COX10: variants seen among roughly 807,000 people sequenced by gnomAD.
COX10 encodes the protein protoheme IX farnesyltransferase, mitochondrial.
Under a neutral mutation model 37.3 loss-of-function variants are expected in COX10, and 27 were observed. That is an observed-to-expected ratio of 0.72 (90% confidence interval 0.53 to 1.00). The LOEUF is 1.00. COX10 is among the 50% of genes least tolerant of loss of function. The pLI is 0.00. For missense variants in COX10, 475 were observed against 563.2 expected, an observed-to-expected ratio of 0.84 and a Z score of 1.59; for synonymous variants, 222 against 229.1, an observed-to-expected ratio of 0.97 and a Z score of 0.28.
intron 6 of COX10, among the ~76,000 whole-genome samples, chr17:14,202,858 A>G (rs1906587592): frequency 2.6e-5 from 4 of 151,802 alleles, no homozygotes; most frequent in African/African-American, 9.7e-5. Context: ...TCCAGCCTCC[A>G]TGCTGTCTCA....
chr17:14,203,612 A>C (rs550933397), intron 6 of COX10, among the ~76,000 whole-genome samples: 1 of 152,314 alleles, frequency 6.6e-6, no homozygotes, highest in Non-Finnish European at 1.5e-5. Flanking sequence ...TGTGCTGTTG[A>C]GGAATACAGA....
intron 4 of COX10, among the ~76,000 whole-genome samples, chr17:14,117,972 G>C (rs7222760): frequency 0.38 from 58,427 of 151,816 alleles, 11,578 homozygotes; most frequent in African/African-American, 0.42. Context: ...TCGTCTCCCG[G>C]AGTCAGGCCG....
At chr17:14,185,442 A>G (rs1012085993) in intron 5 of COX10, among the ~76,000 whole-genome samples, 1 of 150,762 alleles carries the variant, frequency 6.6e-6, no homozygotes, top group South Asian at 2.1e-4. Context: ...AAGGCAGAAA[A>G]TCATAGTTGT....
At chr17:14,105,812 C>T (rs895133699) in intron 4 of COX10, among the ~76,000 whole-genome samples, 1 of 151,994 alleles carries the variant, frequency 6.6e-6, no homozygotes, top group Admixed American at 6.6e-5. Flanking sequence ...CAAATAGATC[C>T]ATTTGTTAAC....
intron 3 of COX10, among the ~76,000 whole-genome samples, chr17:14,090,284 C>T (rs1406979921): frequency 6.6e-6 from 1 of 151,976 alleles, no homozygotes; most frequent in Non-Finnish European, 1.5e-5. Context: ...AGCATTGTAG[C>T]ATCTTATTTA....
rs368918847 is a variant in COX10 at position 14,207,106 on chromosome 17, C to A, written c.1225C>A (p.Arg409=). ...FYVDADRRSS[R]RLFFCSLWHL... is the part of the protein sequence containing the mutation. Reference sequence around the variant, plus strand: ...CGTGGACGCAGACCGCAGGAGCTCGCGGAGACTGTTCTTCTGCAGCCTGTG... The same window carrying A: ...CGTGGACGCAGACCGCAGGAGCTCGAGGAGACTGTTCTTCTGCAGCCTGTG... Residue 409 remains arginine (R), a synonymous_variant, in exon 7 of 7, where the codon CGG becomes AGG. Coordinates refer to ENST00000261643, the MANE Select transcript of COX10 (RefSeq NM_001303.4). 6.2e-7 allele frequency: 1 copy of A among 1,613,814 alleles called. No homozygotes were observed. Among genetic ancestry groups the A allele is most frequent in the Non-Finnish European group, 8.5e-7 (1 of 1,179,928 alleles).
chr17:14,128,736 T>C (rs1401632780), intron 4 of COX10, among the ~76,000 whole-genome samples: 1 of 152,248 alleles, frequency 6.6e-6, no homozygotes, highest in African/African-American at 2.4e-5. Flanking sequence ...GATTTATGAT[T>C]GTACAGCTGG....
intron 4 of COX10, among the ~76,000 whole-genome samples, chr17:14,124,610 A>G (rs910114811): frequency 9.9e-5 from 15 of 152,134 alleles, no homozygotes; most frequent in Admixed American, 2.0e-4. Flanking sequence ...TATTCATTTC[A>G]TAACAGTTGA....
At chr17:14,203,543 ATCC>A (rs1176213429) in intron 6 of COX10, among the ~76,000 whole-genome samples, 1 of 152,042 alleles carries the variant, frequency 6.6e-6, no homozygotes, top group African/African-American at 2.4e-5. Flanking sequence ...TGCATTAAAA[ATCC>A]TCCTCCTTTC....
chr17:14,199,851 T>G (rs1342651440), intron 6 of COX10, among the ~76,000 whole-genome samples: 1 of 152,186 alleles, frequency 6.6e-6, no homozygotes, highest in East Asian at 1.9e-4. Context: ...TTGAAATCTG[T>G]GACCATGAAG....
In COX10 at chr17:14,101,537, G is replaced by C. The variant is rs561354327; in HGVS notation, c.500-581G>C. 3.9e-5 allele frequency among the ~76,000 whole-genome samples: 6 copies of C among 152,240 alleles called. No individual in the cohort carries two copies. In the East Asian group the frequency reaches 1.2e-3, roughly 29 times the overall value. The stretch of plus-strand genomic sequence containing the variant: ...CCTTGGTGGAAGCTTGAAATGTCTG[G>C]CTTTGATTCTGTACCTCGCCTCTTC... On this transcript the variant is annotated intron_variant, in intron 3 of 6. Coordinates refer to ENST00000261643, the MANE Select transcript of COX10 (RefSeq NM_001303.4).
intron 4 of COX10, among the ~76,000 whole-genome samples, chr17:14,139,766 T>G (rs1319511568): frequency 6.6e-6 from 1 of 152,182 alleles, no homozygotes; most frequent in Non-Finnish European, 1.5e-5. Flanking sequence ...TTGTTTCAGC[T>G]TGCAGTGTTT....
chr17:14,201,227 C>T (rs900868650), intron 6 of COX10, among the ~76,000 whole-genome samples: 45 of 152,238 alleles, frequency 3.0e-4, no homozygotes, highest in African/African-American at 9.9e-4. Flanking sequence ...GGTTCCACCA[C>T]AGCCCCGGCA....
At chr17:14,162,829 CA>C (rs1905197106) in intron 5 of COX10, among the ~76,000 whole-genome samples, 1 of 152,178 alleles carries the variant, frequency 6.6e-6, no homozygotes, top group African/African-American at 2.4e-5. Flanking sequence ...GCGATGAAGG[CA>C]TCTAAAGTAA....
intron 4 of COX10, among the ~76,000 whole-genome samples, chr17:14,150,927 A>G (rs1006209789): frequency 5.3e-5 from 8 of 152,210 alleles, no homozygotes; most frequent in South Asian, 2.1e-4. Context: ...GCCAAACAGT[A>G]TATTCTAAGG....
intron 1 of COX10, 100 bp downstream of exon 1, chr17:14,069,748 G>A: frequency 6.8e-7 from 1 of 1,477,424 alleles, no homozygotes; most frequent in Non-Finnish European, 9.4e-7. Context: ...GGGAGCCCTT[G>A]GCGAGGTTGG....
chr17:14,204,637 G>T (rs1906640095), intron 6 of COX10, among the ~76,000 whole-genome samples: 1 of 151,576 alleles, frequency 6.6e-6, no homozygotes. Flanking sequence ...CCTTCTTTAG[G>T]CCCCTCCAGT....
At chr17:14,162,701 A>T (rs1163394688) in intron 5 of COX10, among the ~76,000 whole-genome samples, 5 of 150,234 alleles carry the variant, frequency 3.3e-5, no homozygotes, top group Non-Finnish European at 3.0e-5. Context: ...TCCCTCCTTT[A>T]TGTATTAATG....
chr17:14,199,220 G>T (rs1162052087), intron 6 of COX10, among the ~76,000 whole-genome samples: 1 of 152,168 alleles, frequency 6.6e-6, no homozygotes, highest in African/African-American at 2.4e-5. Context: ...AAGCTTTTAG[G>T]GAGCTGGGCC....
Sources: gnomAD v4.1 joint callset for allele counts (sites outside exome capture counted in the v4.1 genomes callset) on GRCh38, gnomAD v4.1.1 for gene constraint, MANE v1.5 for transcripts, NCBI Gene and HGNC (gene_info 2026-07-23, HGNC 2026-07-21) for gene names.